IGSF21: variants seen among roughly 807,000 people sequenced by gnomAD.
The protein encoded by IGSF21 is immunoglobulin superfamily member 21.
IGSF21 carries 28 observed loss-of-function variants against 46.8 expected under a neutral mutation model. The observed-to-expected ratio is 0.60, with a 90% CI of 0.44 to 0.82. The LOEUF (loss-of-function observed/expected upper bound fraction) is 0.82. Among genes scored for constraint, IGSF21 ranks in the 40% least tolerant of loss-of-function variants. IGSF21 has a pLI of 0.00. For missense variants in IGSF21, 624 were observed against 665.5 expected (o/e 0.94, Z 0.69); for synonymous variants, 284 against 273.6 (o/e 1.04, Z -0.38).
At chr1:18,295,790 G>A (rs796554500) in intron 3 of IGSF21, among the ~76,000 whole-genome samples, 15 of 152,316 alleles carry the variant, frequency 9.8e-5, no homozygotes, top group African/African-American at 2.6e-4. Flanking sequence ...GAGAAGTGCC[G>A]GGGAGTTGAC....
chr1:18,244,196 C>T (rs908201), intron 2 of IGSF21, among the ~76,000 whole-genome samples: 152,336 of 152,338 alleles, frequency 1, 76,167 homozygotes, highest in Non-Finnish European at 1. Flanking sequence ...GCACATAGAC[C>T]ATGGGACAGA....
intron 9 of IGSF21, among the ~76,000 whole-genome samples, chr1:18,377,968 C>A (rs749880750): frequency 6.6e-6 from 1 of 152,206 alleles, no homozygotes; most frequent in African/African-American, 2.4e-5. Context: ...GCCTGCCACA[C>A]CCCCTCCCTA....
chr1:18,141,927 G>A (rs756710563), intron 1 of IGSF21, among the ~76,000 whole-genome samples: 5 of 151,994 alleles, frequency 3.3e-5, no homozygotes, highest in Non-Finnish European at 5.9e-5. Flanking sequence ...AAAATCAGCC[G>A]GGCATGGTGG....
intron 2 of IGSF21, among the ~76,000 whole-genome samples, chr1:18,235,188 A>G (rs537830053): frequency 1.3e-5 from 2 of 152,194 alleles, no homozygotes; most frequent in Non-Finnish European, 2.9e-5. Flanking sequence ...GATGACAGTG[A>G]CGCACTCAAC....
chr1:18,198,548 A>G (rs2087032985), intron 1 of IGSF21, among the ~76,000 whole-genome samples: 1 of 152,274 alleles, frequency 6.6e-6, no homozygotes, highest in South Asian at 2.1e-4. Flanking sequence ...ACCTTAAAAA[A>G]TACAGACGGT....
chr1:18,340,412 T>C (rs1343374826), intron 4 of IGSF21, among the ~76,000 whole-genome samples: 1 of 152,116 alleles, frequency 6.6e-6, no homozygotes, highest in Admixed American at 6.5e-5. Flanking sequence ...TCAAAAGAGG[T>C]GAGCTATATG....
chr1:18,317,310 G>A (rs968049532), intron 3 of IGSF21, among the ~76,000 whole-genome samples: 1 of 152,164 alleles, frequency 6.6e-6, no homozygotes, highest in Non-Finnish European at 1.5e-5. Flanking sequence ...ATCCTGTGAG[G>A]CAGGCATCAC....
At chr1:18,328,344 G>T (rs2085678079) in intron 3 of IGSF21, among the ~76,000 whole-genome samples, 1 of 152,174 alleles carries the variant, frequency 6.6e-6, no homozygotes. Flanking sequence ...GTAATAAAGA[G>T]CTGAGTATCT....
chr1:18,373,636 G>C (rs1034157374), intron 6 of IGSF21, among the ~76,000 whole-genome samples: 1 of 152,146 alleles, frequency 6.6e-6, no homozygotes, highest in Non-Finnish European at 1.5e-5. Context: ...GCACACAGGA[G>C]CCCAGGAGCC....
intron 1 of IGSF21, among the ~76,000 whole-genome samples, chr1:18,198,377 C>CCACATAATGGCCCCATGAGGTGGTG (rs1277846003): frequency 6.6e-6 from 1 of 152,178 alleles, no homozygotes; most frequent in Non-Finnish European, 1.5e-5. Context: ...CCCACATGGG[C>CCACATAATGGCCCCATGAGGTGGTG]CCGTAGGGTG....
rs2085754849 is a variant in IGSF21 at position 18,335,233 on chromosome 1, G to A, written c.424+223G>A. Reference sequence around the variant, plus strand: ...CCCCCCATGGGCCTCCCCTCAGGAGGTCCCCTTCTCAGCACAGGTACCCCA... The same window carrying A: ...CCCCCCATGGGCCTCCCCTCAGGAGATCCCCTTCTCAGCACAGGTACCCCA... On this transcript the variant is annotated intron_variant, in intron 4 of 9. Transcript: ENST00000251296. The surrounding 1 kb of genome is among the most constrained non-coding windows in gnomAD (Gnocchi z 4.8). Among the ~76,000 whole-genome samples, 1 of 152,188 alleles carries A rather than the reference G, an allele frequency of 6.6e-6. No homozygotes were observed.
chr1:18,241,195 T>C (rs1000793897), intron 2 of IGSF21, among the ~76,000 whole-genome samples: 5 of 152,220 alleles, frequency 3.3e-5, no homozygotes, highest in Admixed American at 2.0e-4. Flanking sequence ...TATGGCCTTA[T>C]ACAAAGCATC....
At chr1:18,309,968 T>G (rs368848243) in intron 3 of IGSF21, among the ~76,000 whole-genome samples, 4 of 152,306 alleles carry the variant, frequency 2.6e-5, no homozygotes, top group South Asian at 2.1e-4. Flanking sequence ...ATGGAGGCCC[T>G]GCCAGCTGCT....
At chr1:18,267,225 T>C (rs1190431698) in intron 2 of IGSF21, among the ~76,000 whole-genome samples, 1 of 152,136 alleles carries the variant, frequency 6.6e-6, no homozygotes, top group African/African-American at 2.4e-5. Flanking sequence ...GAGGACCAGC[T>C]GATTTGGGGA....
At chr1:18,121,825 G>A (rs2086236488) in intron 1 of IGSF21, among the ~76,000 whole-genome samples, 1 of 152,190 alleles carries the variant, frequency 6.6e-6, no homozygotes, top group Non-Finnish European at 1.5e-5. Context: ...GTTGGCTGAG[G>A]TGATATTCCT....
chr1:18,213,003 G>A (rs1030672903), intron 1 of IGSF21, among the ~76,000 whole-genome samples: 1 of 152,222 alleles, frequency 6.6e-6, no homozygotes. Context: ...TCCTGGTCTT[G>A]AGTTGCCTGT....
chr1:18,353,999 G>A (rs2085987931), intron 4 of IGSF21, among the ~76,000 whole-genome samples: 2 of 152,236 alleles, frequency 1.3e-5, no homozygotes, highest in Admixed American at 1.3e-4. Context: ...CTGAGGCTAG[G>A]TGGAAGAAAG....
intron 1 of IGSF21, among the ~76,000 whole-genome samples, chr1:18,192,442 T>C (rs546847435): frequency 3.9e-5 from 6 of 152,386 alleles, no homozygotes; most frequent in African/African-American, 1.2e-4. Context: ...TCTGTATATC[T>C]GCAACATACT....
chr1:18,133,827 G>A (rs1016761727), intron 1 of IGSF21, among the ~76,000 whole-genome samples: 6 of 152,370 alleles, frequency 3.9e-5, no homozygotes, highest in South Asian at 2.1e-4. Flanking sequence ...CTGCAGGCAC[G>A]TTGTAGGGGC....
Sources: gnomAD v4.1 joint callset for allele counts (sites outside exome capture counted in the v4.1 genomes callset) on GRCh38, gnomAD v4.1.1 for gene constraint, Gnocchi (gnomAD v3.1) non-coding constraint, MANE v1.5 for transcripts, NCBI Gene and HGNC (gene_info 2026-07-23, HGNC 2026-07-21) for gene names.